Variants in MAGI2 observed in about 807,000 individuals in gnomAD.
The protein encoded by MAGI2 is membrane associated guanylate kinase, WW and PDZ domain containing 2.
Under a neutral mutation model 133.3 loss-of-function variants are expected in MAGI2, and 35 were observed. The observed-to-expected ratio is 0.26, with a 90% CI of 0.20 to 0.35. The LOEUF is 0.35. MAGI2 is among the 10% of genes least tolerant of loss of function. MAGI2 has a pLI of 1.00. For missense variants in MAGI2, 1,636 were observed against 1,863.4 expected (o/e 0.88, Z 2.25); for synonymous variants, 729 against 710.6 (o/e 1.03, Z -0.41).
intron 2 of MAGI2, among the ~76,000 whole-genome samples, chr7:78,929,696 C>T (rs966709613): frequency 2.6e-5 from 4 of 152,058 alleles, no homozygotes; most frequent in African/African-American, 9.7e-5. Flanking sequence ...GTTGTCATTA[C>T]ATCAGTCTCA....
intron 2 of MAGI2, among the ~76,000 whole-genome samples, chr7:78,647,626 C>A (rs1482413425): frequency 6.6e-6 from 1 of 152,010 alleles, no homozygotes; most frequent in African/African-American, 2.4e-5. Flanking sequence ...ACCATTTGAC[C>A]CAGCAATCCC....
At chr7:78,192,235 C>G (rs1446222153) in intron 12 of MAGI2, among the ~76,000 whole-genome samples, 2 of 152,024 alleles carry the variant, frequency 1.3e-5, no homozygotes, top group Admixed American at 1.3e-4. Context: ...TTTTCCCCCC[C>G]CAGGAAAAGA....
intron 1 of MAGI2, among the ~76,000 whole-genome samples, chr7:79,081,080 CACCCA>C (rs1815997187): frequency 6.6e-6 from 1 of 152,130 alleles, no homozygotes; most frequent in African/African-American, 2.4e-5. Flanking sequence ...CCTACTCTAT[CACCCA>C]CCCAACCCCT....
At chr7:78,838,086 C>T (rs1183285779) in intron 2 of MAGI2, among the ~76,000 whole-genome samples, 5 of 152,150 alleles carry the variant, frequency 3.3e-5, no homozygotes, top group Admixed American at 2.0e-4. Context: ...GAAAACTGCT[C>T]GGAAAGCTTG....
chr7:78,670,255 A>G (rs1271430078), intron 2 of MAGI2, among the ~76,000 whole-genome samples: 1 of 152,190 alleles, frequency 6.6e-6, no homozygotes, highest in African/African-American at 2.4e-5. Context: ...TGCAGAAATC[A>G]CAAGCATTCT....
At chr7:78,661,351 G>A (rs1812937069) in intron 2 of MAGI2, among the ~76,000 whole-genome samples, 1 of 151,894 alleles carries the variant, frequency 6.6e-6, no homozygotes, top group Non-Finnish European at 1.5e-5. Flanking sequence ...TAGTTTCCAA[G>A]TTCTGCATTT....
chr7:78,541,163 T>G, intron 3 of MAGI2, among the ~76,000 whole-genome samples: 1 of 152,244 alleles, frequency 6.6e-6, no homozygotes, highest in South Asian at 2.1e-4. Context: ...TATGAGATGC[T>G]GTGGGCTGGC....
At chr7:79,369,966 A>T in intron 1 of MAGI2, among the ~76,000 whole-genome samples, 1 of 152,014 alleles carries the variant, frequency 6.6e-6, no homozygotes. Context: ...TTTTTATATT[A>T]TATATTATGT....
At position 79,088,197 on chromosome 7, in the gene MAGI2, G is replaced by A. The variant is rs749698423; in HGVS notation, c.302-80991C>T. 7.2e-4 allele frequency among the ~76,000 whole-genome samples: 109 copies of A among 151,976 alleles called. 1 individual carries two copies. The highest frequency in any genetic ancestry group is 3.1e-3 in the East Asian group (16 of 5,144). Reference sequence around the variant, plus strand: ...GCAATAGTTAGTAGTTCTCCTTGACGAACTACAACCCCTTGAAGAGGACCT... The same window carrying A: ...GCAATAGTTAGTAGTTCTCCTTGACAAACTACAACCCCTTGAAGAGGACCT... On this transcript the variant is annotated intron_variant, in intron 1 of 21. Transcript: ENST00000354212.
chr7:79,000,864 T>C (rs17471316), intron 2 of MAGI2, among the ~76,000 whole-genome samples: 10,869 of 152,266 alleles, frequency 0.071, 409 homozygotes, highest in Non-Finnish European at 0.081. Flanking sequence ...CTCAGTGTAA[T>C]TCAATCAGGT....
At chr7:78,059,677 A>T (rs1813010575) in intron 21 of MAGI2, among the ~76,000 whole-genome samples, 1 of 151,848 alleles carries the variant, frequency 6.6e-6, no homozygotes, top group Non-Finnish European at 1.5e-5. Context: ...AAATGCTCTT[A>T]TTCTGGTTTG....
At chr7:79,018,967 T>C (rs1809017250) in intron 1 of MAGI2, among the ~76,000 whole-genome samples, 1 of 151,682 alleles carries the variant, frequency 6.6e-6, no homozygotes, top group Admixed American at 6.6e-5. Flanking sequence ...CCACTGAGAG[T>C]ATTAGACAGA....
chr7:78,329,726 T>C (rs530559089), intron 9 of MAGI2, among the ~76,000 whole-genome samples: 11 of 152,230 alleles, frequency 7.2e-5, no homozygotes, highest in Non-Finnish European at 1.5e-4. Context: ...GAGATCATTA[T>C]TAAACAAATG....
intron 20 of MAGI2, among the ~76,000 whole-genome samples, chr7:78,110,049 T>G (rs1819199491): frequency 6.6e-6 from 1 of 152,166 alleles, no homozygotes; most frequent in Non-Finnish European, 1.5e-5. Flanking sequence ...ACTCGGGAGC[T>G]TGCCCCCAAT....
At chr7:78,960,463 T>G (rs1037483055) in intron 2 of MAGI2, among the ~76,000 whole-genome samples, 1 of 152,082 alleles carries the variant, frequency 6.6e-6, no homozygotes, top group Non-Finnish European at 1.5e-5. Flanking sequence ...TATTTTCTAC[T>G]CCCTAAGGAG....
At chr7:78,793,630 A>C (rs1787360627) in intron 2 of MAGI2, among the ~76,000 whole-genome samples, 1 of 152,204 alleles carries the variant, frequency 6.6e-6, no homozygotes, top group African/African-American at 2.4e-5. Context: ...TGATCTTCTC[A>C]ATAGATTTAG....
At chr7:78,114,964 T>C (rs1819714955) in intron 20 of MAGI2, among the ~76,000 whole-genome samples, 1 of 152,270 alleles carries the variant, frequency 6.6e-6, no homozygotes, top group Non-Finnish European at 1.5e-5. Flanking sequence ...TGGTTGCAGC[T>C]ACTGTAACTT....
intron 1 of MAGI2, among the ~76,000 whole-genome samples, chr7:79,355,460 T>C (rs1394845142): frequency 1.3e-5 from 2 of 152,234 alleles, no homozygotes; most frequent in Non-Finnish European, 2.9e-5. Flanking sequence ...ACTAGTTTTA[T>C]GGTTTCCATC....
At chr7:79,090,793 T>C (rs548888860) in intron 1 of MAGI2, among the ~76,000 whole-genome samples, 5 of 152,282 alleles carry the variant, frequency 3.3e-5, no homozygotes, top group African/African-American at 1.2e-4. Context: ...ACATAGTGAG[T>C]TATATCCATG....
Sources: gnomAD v4.1 joint callset for allele counts (sites outside exome capture counted in the v4.1 genomes callset) on GRCh38, gnomAD v4.1.1 for gene constraint, MANE v1.5 for transcripts, NCBI Gene and HGNC (gene_info 2026-07-23, HGNC 2026-07-21) for gene names.